Variants in DIAPH2 observed in about 807,000 individuals in gnomAD.
The protein encoded by DIAPH2 is protein diaphanous homolog 2.
DIAPH2 carries 35 observed loss-of-function variants against 92.7 expected under a neutral mutation model. That is an observed-to-expected ratio of 0.38 (90% CI 0.29 to 0.50). The LOEUF is 0.50. Among genes scored for constraint, DIAPH2 ranks in the 20% least tolerant of loss-of-function variants. The pLI, the probability that DIAPH2 is intolerant of heterozygous loss-of-function variation, is 0.94. For missense variants in DIAPH2, 701 were observed against 819.5 expected, an observed-to-expected ratio of 0.86 and a Z score of 1.77; for synonymous variants, 301 against 280.4, an observed-to-expected ratio of 1.07 and a Z score of -0.73.
At chrX:96,962,508 T>TAC (rs747368885) in intron 16 of DIAPH2, among the ~76,000 whole-genome samples, 4 of 87,548 alleles carry the variant, frequency 4.6e-5, no homozygotes, top group African/African-American at 1.9e-4. Context: ...TATATATATA[T>TAC]ATATATATAT....
At chrX:96,837,244 G>A (rs1223242817) in intron 4 of DIAPH2, among the ~76,000 whole-genome samples, 1 of 111,101 alleles carries the variant, frequency 9.0e-6, no homozygotes, top group Non-Finnish European at 1.9e-5. Context: ...TGAAATATAA[G>A]TCATATTAGG....
At chrX:96,820,135 T>C (rs1349899157) in intron 4 of DIAPH2, among the ~76,000 whole-genome samples, 2 of 112,167 alleles carry the variant, frequency 1.8e-5, no homozygotes, top group East Asian at 2.8e-4. Flanking sequence ...TATTCAAGAA[T>C]TCAAGAATAT....
chrX:96,893,255 A>T (rs770922157), intron 5 of DIAPH2, among the ~76,000 whole-genome samples: 1 of 111,541 alleles, frequency 9.0e-6, no homozygotes, highest in Non-Finnish European at 1.9e-5. Context: ...TTTTCCAAAA[A>T]CTTAGGACAA....
intron 23 of DIAPH2, among the ~76,000 whole-genome samples, chrX:97,329,982 A>T (rs899349337): frequency 1.2e-4 from 13 of 105,012 alleles, no homozygotes; most frequent in Non-Finnish European, 1.7e-4. Flanking sequence ...TTGTATAATG[A>T]ATTGCCTAGG....
intron 4 of DIAPH2, among the ~76,000 whole-genome samples, chrX:96,811,828 G>A (rs2064684680): frequency 9.0e-6 from 1 of 111,720 alleles, no homozygotes; most frequent in South Asian, 3.8e-4. Flanking sequence ...TACGTTTATT[G>A]ATTTTCGTAT....
rs1018320109 is a variant in DIAPH2 at position 97,039,511 on chromosome X, A to G, written c.2051-33430A>G. ...TACTTCAGGGAAACAGAAGAGTATA[A>G]TAATTGTGATAGGGACTCAAGAGAA... On this transcript the variant is annotated intron_variant, in intron 17 of 26. Transcript: ENST00000324765. Among the ~76,000 whole-genome samples, 20 of 111,677 alleles carry G rather than the reference A, an allele frequency of 1.8e-4. No individual in the cohort carries two copies. The East Asian group carries it at 5.6e-3, about 31-fold the overall frequency.
At chrX:97,013,821 G>T (rs931496544) in intron 17 of DIAPH2, among the ~76,000 whole-genome samples, 4 of 111,863 alleles carry the variant, frequency 3.6e-5, no homozygotes, top group African/African-American at 6.5e-5. Flanking sequence ...TGGGGCAGGG[G>T]CATGAGCTAT....
At chrX:96,815,497 T>C (rs1163083765) in intron 4 of DIAPH2, among the ~76,000 whole-genome samples, 2 of 111,917 alleles carry the variant, frequency 1.8e-5, no homozygotes, top group African/African-American at 6.5e-5. Flanking sequence ...TGAGGCGATG[T>C]CCCGCCCTGC....
chrX:97,304,969 A>G (rs1278361236), intron 23 of DIAPH2, among the ~76,000 whole-genome samples: 1 of 112,107 alleles, frequency 8.9e-6, no homozygotes, highest in Non-Finnish European at 1.9e-5. Context: ...TAGGCAATAC[A>G]ATGTGGCTGA....
At chrX:97,494,141 A>AT (rs1157222814) in intron 26 of DIAPH2, among the ~76,000 whole-genome samples, 3 of 105,115 alleles carry the variant, frequency 2.9e-5, no homozygotes, top group Non-Finnish European at 5.8e-5. Context: ...GTGTGTGTAT[A>AT]TATGTATACA....
At chrX:97,185,355 G>GTATATATA (rs1320825418) in intron 22 of DIAPH2, among the ~76,000 whole-genome samples, 11 of 10,350 alleles carry the variant, frequency 1.1e-3, no homozygotes, top group South Asian at 4.9e-3. Context: ...ATATATATGT[G>GTATATATA]TGTATATATA....
rs887648367 is a variant in DIAPH2, at chrX:96,845,302, G to T, written c.448-36277G>T. On this transcript the variant is annotated intron_variant, in intron 4 of 26. Coordinates refer to ENST00000324765, the MANE Select transcript of DIAPH2 (RefSeq NM_006729.5). ...GAGATACTTAGGTACTCAACTCTAT[G>T]CAAATATACACTGATTACCTTTGCC... is the stretch of plus-strand genomic sequence containing the variant. Among the ~76,000 whole-genome samples, 11 of 111,889 alleles carry T rather than the reference G, an allele frequency of 9.8e-5. No homozygotes were observed. In the East Asian group the frequency reaches 3.1e-3, roughly 31 times the overall value.
intron 22 of DIAPH2, among the ~76,000 whole-genome samples, chrX:97,216,664 A>T (rs953059084): frequency 9.0e-6 from 1 of 111,420 alleles, no homozygotes; most frequent in African/African-American, 3.3e-5. Context: ...TATATAGGAA[A>T]GAAGAATCAG....
At chrX:96,962,302 T>C (rs184768864) in intron 16 of DIAPH2, among the ~76,000 whole-genome samples, 758 of 39,983 alleles carry the variant, frequency 0.019, 46 homozygotes, top group South Asian at 0.04. Context: ...TATATATACA[T>C]ATATATATAC....
intron 17 of DIAPH2, among the ~76,000 whole-genome samples, chrX:96,998,545 A>T (rs2066120490): frequency 1.8e-5 from 2 of 112,044 alleles, no homozygotes; most frequent in Non-Finnish European, 3.8e-5. Flanking sequence ...TACGTTTTTT[A>T]ATTGTCTTTG....
intron 22 of DIAPH2, among the ~76,000 whole-genome samples, chrX:97,194,428 C>T (rs1340397865): frequency 9.1e-6 from 1 of 109,517 alleles, no homozygotes; most frequent in Non-Finnish European, 1.9e-5. Context: ...ACTACAGGCA[C>T]CCGCCACCAA....
chrX:97,091,956 A>G (rs2066828896), intron 19 of DIAPH2, among the ~76,000 whole-genome samples: 1 of 111,817 alleles, frequency 8.9e-6, no homozygotes, highest in African/African-American at 3.3e-5. Flanking sequence ...CTCCAATCCC[A>G]GAGTCAAGGC....
chrX:97,004,188 T>C (rs867684510), intron 17 of DIAPH2, among the ~76,000 whole-genome samples: 1 of 111,776 alleles, frequency 8.9e-6, no homozygotes, highest in Admixed American at 9.5e-5. Flanking sequence ...TTGGTTACTA[T>C]AGATCTGTAG....
chrX:97,094,173 G>A (rs886912365), intron 19 of DIAPH2, among the ~76,000 whole-genome samples: 1 of 111,612 alleles, frequency 9.0e-6, no homozygotes, highest in African/African-American at 3.3e-5. Flanking sequence ...GGGAATGTCA[G>A]TTAGAAACAT....
Sources: allele counts gnomAD v4.1 joint callset (sites outside exome capture counted in the v4.1 genomes callset), GRCh38; gene constraint gnomAD v4.1.1; transcripts MANE v1.5; gene names NCBI Gene and HGNC (gene_info 2026-07-23, HGNC 2026-07-21).